PRKCE: variants seen among roughly 807,000 people sequenced by gnomAD.
The protein encoded by PRKCE is protein kinase C epsilon type.
A neutral mutation model predicts 85.4 loss-of-function variants in PRKCE; 16 were observed. That is an observed-to-expected ratio of 0.19 (90% CI 0.13 to 0.28). The LOEUF (loss-of-function observed/expected upper bound fraction) is 0.28, where lower values mean the gene tolerates loss of function less well. Ranked by LOEUF, PRKCE falls within the 10% of genes least tolerant of loss-of-function variation. The probability of loss-of-function intolerance (pLI) is 1.00; values close to 1 mark genes in which losing one functional copy is unlikely to be tolerated. For synonymous variants in PRKCE, 388 were observed against 371.5 expected (o/e 1.04, Z -0.51); for missense variants, 573 against 975.2 (o/e 0.59, Z 5.49).
intron 2 of PRKCE, among the ~76,000 whole-genome samples, chr2:45,965,168 T>A (rs1249713441): frequency 1.3e-5 from 2 of 152,242 alleles, no homozygotes; most frequent in African/African-American, 4.8e-5. Context: ...AGGGAATTAG[T>A]TGCTGTTTCC....
At chr2:45,872,658 C>G (rs1409343413) in intron 2 of PRKCE, among the ~76,000 whole-genome samples, 1 of 152,192 alleles carries the variant, frequency 6.6e-6, no homozygotes, top group Non-Finnish European at 1.5e-5. Flanking sequence ...ATCTTACTGA[C>G]ATGCCAGAAG....
chr2:46,084,677 G>A (rs970570709), intron 10 of PRKCE, among the ~76,000 whole-genome samples: 12 of 140,898 alleles, frequency 8.5e-5, no homozygotes, highest in South Asian at 6.7e-4. Context: ...AGCTGAGATC[G>A]CACCACTGCA....
At chr2:46,084,236 G>A (rs1669367988) in intron 10 of PRKCE, among the ~76,000 whole-genome samples, 2 of 152,210 alleles carry the variant, frequency 1.3e-5, no homozygotes, top group African/African-American at 4.8e-5. Flanking sequence ...AATAATTCTG[G>A]AGACTGGAGT....
intron 2 of PRKCE, among the ~76,000 whole-genome samples, chr2:45,893,272 T>G (rs953513339): frequency 2.0e-5 from 3 of 152,104 alleles, no homozygotes; most frequent in African/African-American, 7.2e-5. Context: ...GCAGGGTCAA[T>G]GTGATGGACT....
intron 1 of PRKCE, among the ~76,000 whole-genome samples, chr2:45,744,453 CTT>C (rs1311104067): frequency 3.4e-5 from 2 of 58,280 alleles, no homozygotes; most frequent in Non-Finnish European, 6.9e-5. Flanking sequence ...TTCTTTCTTT[CTT>C]TCTTTCTTTC....
chr2:45,719,318 C>A (rs2104444998), intron 1 of PRKCE, among the ~76,000 whole-genome samples: 1 of 152,374 alleles, frequency 6.6e-6, no homozygotes, highest in Middle Eastern at 3.4e-3. Flanking sequence ...TATCTCTGCA[C>A]TGATTCAGCA....
At chr2:45,850,675 C>T (rs1692173672) in intron 2 of PRKCE, among the ~76,000 whole-genome samples, 2 of 152,210 alleles carry the variant, frequency 1.3e-5, no homozygotes, top group South Asian at 2.1e-4. Context: ...TTTTCACAAG[C>T]AAGTGCATTC....
chr2:45,677,987 C>T (rs1316471986), intron 1 of PRKCE: 2 of 777,868 alleles, frequency 2.6e-6, no homozygotes, highest in Non-Finnish European at 3.1e-6. Flanking sequence ...CTTGATTTTA[C>T]ATGGAGCTGA....
Position 46,001,657 on chromosome 2 carries a change from T to A in PRKCE, c.966+111T>A. ...TAATAAGATTCCTGGGTTTGAGGTATTTTACTCAGAACTGCAGTACTTAAA... is the reference window on the plus strand; with the variant it reads ...TAATAAGATTCCTGGGTTTGAGGTAATTTACTCAGAACTGCAGTACTTAAA... On this transcript the variant is annotated intron_variant, in intron 7 of 14. Coordinates refer to ENST00000306156, the MANE Select transcript of PRKCE (RefSeq NM_005400.3). The surrounding 1 kb of genome is among the most constrained non-coding windows in gnomAD (Gnocchi z 4.4). The A allele has an allele frequency of 7.6e-7, 1 of 1,307,666 alleles. No homozygotes were observed. Among genetic ancestry groups the A allele is most frequent in the South Asian group, 1.6e-5 (1 of 61,212 alleles). 81.0% of individuals were successfully genotyped at this position (1,307,666 alleles called of 1,614,324 possible).
intron 2 of PRKCE, among the ~76,000 whole-genome samples, chr2:45,877,348 A>G (rs1023682011): frequency 6.6e-6 from 1 of 152,028 alleles, no homozygotes; most frequent in Non-Finnish European, 1.5e-5. Flanking sequence ...AAACTTACAT[A>G]TTATCTTTCA....
chr2:46,028,103 G>C (rs1574275991), intron 10 of PRKCE, among the ~76,000 whole-genome samples: 1 of 152,086 alleles, frequency 6.6e-6, no homozygotes, highest in South Asian at 2.1e-4. Context: ...CACTGCACCC[G>C]GCTGACTTTT....
At chr2:45,922,728 G>A (rs1022124009) in intron 2 of PRKCE, among the ~76,000 whole-genome samples, 2 of 152,318 alleles carry the variant, frequency 1.3e-5, no homozygotes, top group African/African-American at 2.4e-5. Context: ...CCTCTGGCTC[G>A]TGTTGCTAAG....
intron 13 of PRKCE, among the ~76,000 whole-genome samples, chr2:46,154,529 C>T (rs1313386170): frequency 1.4e-5 from 2 of 145,010 alleles, no homozygotes; most frequent in African/African-American, 5.1e-5. Context: ...CTTTCAGGAC[C>T]CCTGCCTTGG....
chr2:46,092,202 C>A (rs925782506), intron 11 of PRKCE, among the ~76,000 whole-genome samples: 3 of 152,152 alleles, frequency 2.0e-5, no homozygotes, highest in Non-Finnish European at 1.5e-5. Context: ...GATATGAAAG[C>A]CAGTGGGAAA....
intron 6 of PRKCE, 65 bp downstream of exon 6, chr2:45,984,745 C>T (rs1201417660): frequency 6.5e-7 from 1 of 1,545,964 alleles, no homozygotes; most frequent in Non-Finnish European, 8.7e-7. Context: ...TGCCCCCATC[C>T]CTGCTTTATA....
chr2:45,669,024 C>T (rs923210214), intron 1 of PRKCE, among the ~76,000 whole-genome samples: 1 of 152,152 alleles, frequency 6.6e-6, no homozygotes. Flanking sequence ...CTCATTCTTT[C>T]ACATTGTTGG....
chr2:45,966,197 T>C (rs997842238), intron 2 of PRKCE, among the ~76,000 whole-genome samples: 5 of 152,188 alleles, frequency 3.3e-5, no homozygotes, highest in Non-Finnish European at 7.4e-5. Flanking sequence ...CTTGTGATAT[T>C]AGAGGAAGTA....
chr2:45,904,004 A>G (rs1235780246), intron 2 of PRKCE, among the ~76,000 whole-genome samples: 7 of 151,744 alleles, frequency 4.6e-5, no homozygotes, highest in Admixed American at 2.0e-4. Context: ...GCTGAGTTCA[A>G]GCGATTCTCG....
At chr2:45,987,170 C>T (rs1441196268) in intron 6 of PRKCE, among the ~76,000 whole-genome samples, 1 of 151,962 alleles carries the variant, frequency 6.6e-6, no homozygotes, top group African/African-American at 2.4e-5. Context: ...CCCCAATGAC[C>T]CTGGAAGAAG....
Sources: gnomAD v4.1 joint callset for allele counts (sites outside exome capture counted in the v4.1 genomes callset) on GRCh38, gnomAD v4.1.1 for gene constraint, Gnocchi (gnomAD v3.1) non-coding constraint, MANE v1.5 for transcripts, NCBI Gene and HGNC (gene_info 2026-07-23, HGNC 2026-07-21) for gene names.